ERCC2: variants seen among roughly 807,000 people sequenced by gnomAD.
The protein encoded by ERCC2 is ERCC excision repair 2, TFIIH core complex helicase subunit.
ERCC2 carries 90 observed loss-of-function variants against 99.4 expected under a neutral mutation model. The observed-to-expected ratio is 0.91, with a 90% CI of 0.76 to 1.08. The LOEUF (loss-of-function observed/expected upper bound fraction) is 1.08, where lower values mean the gene tolerates loss of function less well. ERCC2 is among the 50% of genes least tolerant of loss of function. ERCC2 has a pLI of 0.00. For synonymous variants in ERCC2, 497 were observed against 432.4 expected (o/e 1.15, Z -1.85); for missense variants, 993 against 1,038.1 (o/e 0.96, Z 0.60).
chr19:45,365,338 T>C (rs1357017779), intron 5 of ERCC2, among the ~76,000 whole-genome samples, 180 bp from the exon 6 acceptor site: 1 of 152,338 alleles, frequency 6.6e-6, no homozygotes, highest in East Asian at 1.9e-4. Flanking sequence ...AAAATTGGGC[T>C]GGGCGCGGTG....
At position 45,350,767 on chromosome 19, in the gene ERCC2, G is replaced by GCAAAGAGCCCTGACATC; in HGVS notation, c.*845_*861dup. The GCAAAGAGCCCTGACATC allele has an allele frequency of 6.3e-7, 1 of 1,594,984 alleles. No homozygotes were observed. Among genetic ancestry groups the GCAAAGAGCCCTGACATC allele is most frequent in the Non-Finnish European group, 8.5e-7 (1 of 1,169,996 alleles). On this transcript the variant is annotated 3_prime_UTR_variant, in exon 23 of 23. Transcript: ENST00000391945. ...AGCCGGGTGAGTGTTGATCAGGTCG[G>GCAAAGAGCCCTGACATC]CAAAGAGCCCTGACATCAGCAGAAT...
Position 45,352,234 on chromosome 19 carries a change from C to A in ERCC2, c.2165G>T (p.Arg722Leu), listed in dbSNP as rs138569838. 3.7e-6 allele frequency: 6 copies of A among 1,614,002 alleles called. No individual in the cohort carries two copies. Among genetic ancestry groups the A allele is most frequent in the Non-Finnish European group, 4.2e-6 (5 of 1,180,006 alleles). The change falls in exon 22 of 23, where the codon CGG (arginine) becomes CTG (leucine). Residue 722 changes from arginine (R) to leucine (L), a missense_variant. By Grantham distance (102) the Arg-to-Leu change is moderately radical. Transcript: ENST00000391945. ...CCGGTGGAAGGGCTGTGCCATCTGC[C>A]GCAGGAAGTACTTGGCCACCTGGAC... The part of the protein sequence containing the change: ...EGVQVAKYFL[R>L]QMAQPFHRED...
At chr19:45,351,854 T>G (rs531998175) in intron 22 of ERCC2, 133 bp from the exon 23 acceptor site, 128 of 803,308 alleles carry the variant, frequency 1.6e-4, no homozygotes, top group Non-Finnish European at 2.3e-4. Context: ...GATGTCCGTA[T>G]AATCCAGAGC....
intron 4 of ERCC2, 73 bp downstream of exon 4, chr19:45,368,857 C>T (rs1432418609): frequency 7.6e-6 from 12 of 1,578,342 alleles, no homozygotes; most frequent in Admixed American, 5.0e-5. Context: ...AAGCTGGTGA[C>T]GGCCACCGCC....
In ERCC2 at chr19:45,357,687, A is replaced by G; in HGVS notation, c.1250T>C (p.Ile417Thr). 2 of 1,613,816 alleles carry G rather than the reference A, an allele frequency of 1.2e-6. No homozygotes were observed. Among genetic ancestry groups the G allele is most frequent in the Non-Finnish European group, 1.7e-6 (2 of 1,179,976 alleles). The change falls in exon 13 of 23, where the codon ATC (isoleucine) becomes ACC (threonine). Residue 417 changes from isoleucine to threonine, a missense_variant. Physicochemically the swap from Ile to Thr is moderately conservative, Grantham distance 89 (BLOSUM62 -1). Around this residue, in one of 3 missense-constraint regions of ERCC2, gnomAD observed 909 missense variants for 930.8 expected, o/e 0.98. Coordinates refer to ENST00000391945, the MANE Select transcript of ERCC2 (RefSeq NM_000400.4). ...GGTTCTGTCGTCAAAGGGCTCGATGATGATGGTGAAGCCTGCAGAGGGCAG... is the reference window on the plus strand; with the variant it reads ...GGTTCTGTCGTCAAAGGGCTCGATGGTGATGGTGAAGCCTGCAGAGGGCAG... Reference protein sequence around the residue: ...VSTYAKGFTIIIEPFDDRTPT... With the variant: ...VSTYAKGFTITIEPFDDRTPT...
intron 12 of ERCC2, among the ~76,000 whole-genome samples, chr19:45,359,129 T>C (rs1972119816): frequency 6.6e-6 from 1 of 151,908 alleles, no homozygotes; most frequent in African/African-American, 2.4e-5. Context: ...AGGAGGGGCC[T>C]GACTCAGCCT....
At chr19:45,354,680 G>A (rs1205818553) in intron 17 of ERCC2, 50 bp downstream of exon 17, 1 of 1,610,112 alleles carries the variant, frequency 6.2e-7, no homozygotes, top group Admixed American at 1.7e-5. Flanking sequence ...TAGCGGTGCA[G>A]TGCCAGGGAC....
Position 45,349,970 on chromosome 19 carries a change from A to C in ERCC2, c.*1659T>G. ...ACTTTGCGTGTGGGAAGACTGAGGC[A>C]CCGAGGCCATGCCACCAGCCCAAAG... On this transcript the variant is annotated 3_prime_UTR_variant, in exon 23 of 23. Coordinates refer to ENST00000391945, the MANE Select transcript of ERCC2 (RefSeq NM_000400.4). 1 of 418,032 alleles carries C rather than the reference A, an allele frequency of 2.4e-6. No homozygotes were observed. The highest frequency in any genetic ancestry group is 4.3e-6 in the Non-Finnish European group (1 of 231,802). The allele number at this position is 418,032 out of a possible 1,614,324, so 25.9% of individuals were successfully genotyped here.
chr19:45,354,778 G>A lies in ERCC2; in HGVS notation c.1617C>T (p.Phe539=), dbSNP rs771943848. 6.8e-6 allele frequency: 11 copies of A among 1,614,004 alleles called. No individual in the cohort carries two copies. Among genetic ancestry groups the A allele is most frequent in the Admixed American group, 3.3e-5 (2 of 60,008 alleles). ...AVVPDGIVAF[F]TSYQYMESTV... Reference sequence around the variant, plus strand: ...TGCTCTCCATGTACTGGTAGCTGGTGAAGAAGGCCACGATGCCATCAGGGA... The same window carrying A: ...TGCTCTCCATGTACTGGTAGCTGGTAAAGAAGGCCACGATGCCATCAGGGA... The change falls in exon 17 of 23, where the codon TTC becomes TTT. Residue 539 remains phenylalanine (F), a synonymous_variant. Coordinates refer to ENST00000391945, the MANE Select transcript of ERCC2 (RefSeq NM_000400.4).
intron 2 of ERCC2, among the ~76,000 whole-genome samples, chr19:45,369,606 AT>A (rs1972537909): frequency 1.3e-5 from 2 of 152,206 alleles, no homozygotes; most frequent in Non-Finnish European, 2.9e-5. Context: ...AACCTTCCTC[AT>A]AACATGACTA....
chr19:45,368,966 G>A lies in ERCC2; in HGVS notation c.210C>T (p.Leu70=). 1 of 1,614,226 alleles carries A rather than the reference G, an allele frequency of 6.2e-7. No homozygotes were observed. Residue 70 remains leucine (L), a synonymous_variant, in exon 4 of 23, where the codon CTC becomes CTT. Coordinates refer to ENST00000391945, the MANE Select transcript of ERCC2 (RefSeq NM_000400.4). The stretch of plus-strand genomic sequence containing the variant: ...CTGGCACAGTTCTTGAGCAGTAGAT[G>A]AGTTTGGTCACCTCCAGCGGATATG... ...QRAYPLEVTK[L]IYCSRTVPEI...
At chr19:45,368,458 G>A (rs1458391826) in intron 5 of ERCC2, among the ~76,000 whole-genome samples, 172 bp downstream of exon 5, 1 of 152,178 alleles carries the variant, frequency 6.6e-6, no homozygotes, top group Non-Finnish European at 1.5e-5. Flanking sequence ...TGGAGGAAGT[G>A]TGCTTGCCTG....
chr19:45,357,757 A>G, intron 12 of ERCC2, 58 bp from the exon 13 acceptor site: 3 of 1,474,186 alleles, frequency 2.0e-6, no homozygotes, highest in Non-Finnish European at 2.8e-6. Flanking sequence ...AGCTGCACCC[A>G]CTCAGTCATT....
intron 12 of ERCC2, among the ~76,000 whole-genome samples, chr19:45,361,230 C>T (rs775642355): frequency 1.6e-4 from 24 of 152,194 alleles, no homozygotes; most frequent in Non-Finnish European, 3.4e-4. Flanking sequence ...AACTCATTAC[C>T]GTGCCCTCTA....
chr19:45,351,074 GAGGCAA>G lies in ERCC2; in HGVS notation c.*549_*554del. 6.2e-7 allele frequency: 1 copy of G among 1,613,678 alleles called. No individual in the cohort carries two copies. Among genetic ancestry groups the G allele is most frequent in the Non-Finnish European group, 8.5e-7 (1 of 1,179,806 alleles). On this transcript the variant is annotated 3_prime_UTR_variant, in exon 23 of 23. Coordinates refer to ENST00000391945, the MANE Select transcript of ERCC2 (RefSeq NM_000400.4). The stretch of plus-strand genomic sequence containing the variant: ...AGGCCATGTGGGTAGGTGCAGAGAT[GAGGCAA>G]AGGCAGGGCGGTCGGGCCAGTGGTG...
At chr19:45,361,198 T>C (rs1972207272) in intron 12 of ERCC2, among the ~76,000 whole-genome samples, 1 of 151,238 alleles carries the variant, frequency 6.6e-6, no homozygotes, top group African/African-American at 2.4e-5. Context: ...GGCTCCCCAG[T>C]GCCCTCAGGA....
rs1971893447 is a variant in ERCC2 at position 45,353,350 on chromosome 19, G to T, written c.1666-16C>A. The T allele has an allele frequency of 1.2e-6, 2 of 1,603,346 alleles. No individual in the cohort carries two copies. Among genetic ancestry groups the T allele is most frequent in the Non-Finnish European group, 1.7e-6 (2 of 1,172,046 alleles). On this transcript the variant is annotated splice_polypyrimidine_tract_variant and intron_variant, in intron 17 of 22. Coordinates refer to ENST00000391945, the MANE Select transcript of ERCC2 (RefSeq NM_000400.4). The stretch of plus-strand genomic sequence containing the variant: ...CAAGGATCCCCTGGGGAAGGACCCA[G>T]GGAGGTCAGGGTGGGTTCAGGGCAC...
chr19:45,357,728 A>G, intron 12 of ERCC2, 29 bp from the exon 13 acceptor site: 1 of 1,595,138 alleles, frequency 6.3e-7, no homozygotes, highest in Non-Finnish European at 8.6e-7. Context: ...GAGGGGTGAG[A>G]TTACCCCACT....
Position 45,351,717 on chromosome 19 carries a change from T to C in ERCC2, c.2195A>G (p.Asp732Gly), listed in dbSNP as rs201828535. 9.5e-5 allele frequency: 153 copies of C among 1,613,550 alleles called. No homozygotes were observed. The highest frequency in any genetic ancestry group is 1.5e-4 in the Admixed American group (9 of 60,000). ...GCTGAGCAGGGACAGGCCCAGCTGATCCTCCTGCAGAGAACAGAGGAAAGG... is the reference window on the plus strand; with the variant it reads ...GCTGAGCAGGGACAGGCCCAGCTGACCCTCCTGCAGAGAACAGAGGAAAGG... ...RQMAQPFHRE[D>G]QLGLSLLSLE... The change falls in exon 23 of 23, where the codon GAT becomes GGT. Residue 732 changes from aspartate to glycine, a missense_variant. This residue lies in a region of ERCC2 where 909 missense variants were observed against 930.8 expected (regional missense o/e 0.98). Coordinates refer to ENST00000391945, the MANE Select transcript of ERCC2 (RefSeq NM_000400.4).
Sources: allele counts gnomAD v4.1 joint callset (sites outside exome capture counted in the v4.1 genomes callset), GRCh38; gene constraint gnomAD v4.1.1; regional missense constraint gnomAD v4.1.1; transcripts MANE v1.5; gene names NCBI Gene and HGNC (gene_info 2026-07-23, HGNC 2026-07-21).